The following COL4A5 variants were observed in gnomAD, a reference collection of about 807,000 sequenced individuals.
COL4A5 encodes the protein collagen type IV alpha 5 chain.
Under a neutral mutation model 130.2 loss-of-function variants are expected in COL4A5, and 26 were observed. The observed-to-expected ratio is 0.20, with a 90% CI of 0.15 to 0.28. The LOEUF (loss-of-function observed/expected upper bound fraction) is 0.28, where lower values mean the gene tolerates loss of function less well. Among genes scored for constraint, COL4A5 ranks in the 10% least tolerant of loss-of-function variants. COL4A5 has a pLI of 1.00. For synonymous variants in COL4A5, 496 were observed against 439.6 expected (o/e 1.13, Z -1.60); for missense variants, 1,131 against 1,344.3 (o/e 0.84, Z 2.48).
chrX:108,680,063 G>C (rs1029153605), intron 44 of COL4A5, among the ~76,000 whole-genome samples: 1 of 111,937 alleles, frequency 8.9e-6, no homozygotes, highest in Non-Finnish European at 1.9e-5. Context: ...TTCTCAACCA[G>C]GTCCATTTAT....
chrX:108,553,113 A>G (rs182037299), intron 2 of COL4A5, among the ~76,000 whole-genome samples: 1 of 111,758 alleles, frequency 8.9e-6, no homozygotes, highest in African/African-American at 3.2e-5. Flanking sequence ...TAGATGTAAA[A>G]TCTAAACCTT....
intron 4 of COL4A5, among the ~76,000 whole-genome samples, chrX:108,567,659 G>T: frequency 8.9e-6 from 1 of 111,760 alleles, no homozygotes; most frequent in Non-Finnish European, 1.9e-5. Flanking sequence ...GGCTCCGGAG[G>T]CCTCACAATC....
At chrX:108,535,552 G>A (rs889938464) in intron 1 of COL4A5, among the ~76,000 whole-genome samples, 2 of 111,183 alleles carry the variant, frequency 1.8e-5, no homozygotes, top group Admixed American at 1.9e-4. Flanking sequence ...AATCTGGCCA[G>A]TTTGTGGTGA....
intron 9 of COL4A5, among the ~76,000 whole-genome samples, chrX:108,573,955 GACCT>G: frequency 9.0e-6 from 1 of 110,910 alleles, no homozygotes; most frequent in Non-Finnish European, 1.9e-5. Context: ...ATTTACAAAA[GACCT>G]AATTAAAAAT....
intron 1 of COL4A5, chrX:108,462,837 A>T (rs1423208645): frequency 8.9e-6 from 1 of 112,873 alleles, no homozygotes; most frequent in East Asian, 2.8e-4. Flanking sequence ...GCCTAATGCC[A>T]GTAATAATTC....
At chrX:108,514,366 G>A (rs1438144093) in intron 1 of COL4A5, among the ~76,000 whole-genome samples, 4 of 111,922 alleles carry the variant, frequency 3.6e-5, no homozygotes, top group Non-Finnish European at 7.5e-5. Flanking sequence ...CTAATAATTT[G>A]TATAATTTGA....
At chrX:108,644,824 C>T (rs770820712) in intron 36 of COL4A5, among the ~76,000 whole-genome samples, 3 of 106,420 alleles carry the variant, frequency 2.8e-5, no homozygotes, top group Non-Finnish European at 3.9e-5. Context: ...CACTTGAACC[C>T]GGGAGGCGGA....
At chrX:108,568,984 T>A (rs2066017721) in intron 6 of COL4A5, 163 bp downstream of exon 6, 2 of 445,207 alleles carry the variant, frequency 4.5e-6, no homozygotes, top group South Asian at 4.1e-5. Context: ...TATTGAACTA[T>A]CAATAATTTC....
intron 3 of COL4A5, among the ~76,000 whole-genome samples, chrX:108,563,081 A>G (rs1293199161): frequency 9.0e-6 from 1 of 111,660 alleles, no homozygotes. Flanking sequence ...CATTGTATAT[A>G]TGAACCATAA....
chrX:108,584,471 T>C lies in COL4A5; in HGVS notation c.991-13T>C. 1 of 1,201,771 alleles carries C rather than the reference T, an allele frequency of 8.3e-7. No homozygotes were observed. The highest frequency in any genetic ancestry group is 1.1e-6 in the Non-Finnish European group (1 of 887,751). ...TGAATTTTACTAACCTATTTTACAA[T>C]TGCATTGAACAGGGCCAAAAAGGTG... On this transcript the variant is annotated splice_polypyrimidine_tract_variant and intron_variant, in intron 17 of 52. Coordinates refer to ENST00000328300, the MANE Select transcript of COL4A5 (RefSeq NM_033380.3).
chrX:108,609,173 A>G (rs920332379), intron 29 of COL4A5, among the ~76,000 whole-genome samples: 1 of 112,155 alleles, frequency 8.9e-6, no homozygotes, highest in Non-Finnish European at 1.9e-5. Flanking sequence ...TTGTTGGATC[A>G]TAAGTGGATG....
chrX:108,509,326 G>T (rs1988323), intron 1 of COL4A5, among the ~76,000 whole-genome samples: 1,355 of 111,151 alleles, frequency 0.012, 26 homozygotes, highest in African/African-American at 0.043. Context: ...ATAACTAATG[G>T]GTACTAGGCT....
chrX:108,650,469 T>A (rs1337563654), intron 36 of COL4A5, among the ~76,000 whole-genome samples: 1 of 111,504 alleles, frequency 9.0e-6, no homozygotes, highest in Non-Finnish European at 1.9e-5. Flanking sequence ...AAAAGATAAT[T>A]GCACACGCAT....
At chrX:108,462,571 C>G (rs1472606496) in intron 1 of COL4A5, 1 of 111,399 alleles carries the variant, frequency 9.0e-6, no homozygotes, top group East Asian at 2.8e-4. Flanking sequence ...CGACCCCATG[C>G]CCCGCTAATT....
chrX:108,667,559 G>A (rs1307806907), intron 40 of COL4A5, among the ~76,000 whole-genome samples: 1 of 108,824 alleles, frequency 9.2e-6, no homozygotes, highest in African/African-American at 3.3e-5. Flanking sequence ...TATATGTTTT[G>A]CATATTTGGG....
chrX:108,648,418 G>C (rs745509998), intron 36 of COL4A5, among the ~76,000 whole-genome samples: 34 of 110,161 alleles, frequency 3.1e-4, no homozygotes, highest in Admixed American at 3.1e-3. Context: ...GCCAGCATCA[G>C]CCTAATACCG....
chrX:108,580,626 T>C (rs1359640647), intron 14 of COL4A5, 40 bp downstream of exon 14: 1 of 1,190,239 alleles, frequency 8.4e-7, no homozygotes, highest in African/African-American at 1.8e-5. Flanking sequence ...TAATGTAAAT[T>C]GGTATTGGTA....
chrX:108,569,655 C>G (rs1165843347), intron 6 of COL4A5, among the ~76,000 whole-genome samples: 1 of 110,517 alleles, frequency 9.0e-6, no homozygotes, highest in Non-Finnish European at 1.9e-5. Flanking sequence ...GTCCTTCTTT[C>G]TTTCTTTCTT....
chrX:108,510,577 A>G (rs2065171040), intron 1 of COL4A5, among the ~76,000 whole-genome samples: 1 of 111,304 alleles, frequency 9.0e-6, no homozygotes, highest in African/African-American at 3.3e-5. Flanking sequence ...TCAGAATAAC[A>G]ATACGAATAC....
Sources: allele counts gnomAD v4.1 joint callset (sites outside exome capture counted in the v4.1 genomes callset), GRCh38; gene constraint gnomAD v4.1.1; transcripts MANE v1.5; gene names NCBI Gene and HGNC (gene_info 2026-07-23, HGNC 2026-07-21).